The following CDRT4 variants were observed in gnomAD, a reference collection of about 807,000 sequenced individuals.
The protein encoded by CDRT4 is CMT1A duplicated region transcript 4 protein.
For missense variants in CDRT4, 167 were observed against 193.1 expected, an observed-to-expected ratio of 0.87 and a Z score of 0.80; for synonymous variants, 64 against 69.6, an observed-to-expected ratio of 0.92 and a Z score of 0.40.
chr17:15,462,195 G>A (rs1351171775), intron 1 of CDRT4, among the ~76,000 whole-genome samples: 6 of 152,000 alleles, frequency 3.9e-5, no homozygotes, highest in African/African-American at 1.2e-4. Flanking sequence ...TTGGGAGGCC[G>A]AGGCAGGCAG....
chr17:15,458,158 G>A (rs565093203), intron 1 of CDRT4, among the ~76,000 whole-genome samples: 2 of 152,270 alleles, frequency 1.3e-5, no homozygotes, highest in East Asian at 1.9e-4. Flanking sequence ...GGGACTTAAC[G>A]AATTCCATCT....
At chr17:15,457,965 G>A (rs552065174) in intron 1 of CDRT4, among the ~76,000 whole-genome samples, 1 of 152,238 alleles carries the variant, frequency 6.6e-6, no homozygotes, top group East Asian at 1.9e-4. Context: ...GAAGGAAACA[G>A]AGAGGGGCTC....
chr17:15,448,253 G>A (rs113671291), intron 2 of CDRT4, among the ~76,000 whole-genome samples: 8 of 152,150 alleles, frequency 5.3e-5, no homozygotes, highest in African/African-American at 1.7e-4. Flanking sequence ...AGAAGCCCCA[G>A]TCTCCACTTC....
intron 1 of CDRT4, among the ~76,000 whole-genome samples, chr17:15,463,197 G>C (rs1366522762): frequency 6.6e-6 from 1 of 152,084 alleles, no homozygotes; most frequent in Non-Finnish European, 1.5e-5. Flanking sequence ...GGAAACAATG[G>C]GGAAGTGGGT....
intron 1 of CDRT4, among the ~76,000 whole-genome samples, chr17:15,456,916 G>C (rs896101580): frequency 6.6e-6 from 1 of 152,160 alleles, no homozygotes; most frequent in African/African-American, 2.4e-5. Flanking sequence ...CATTGTTAAA[G>C]CCATTGATTT....
At chr17:15,449,057 C>T (rs904981628) in intron 2 of CDRT4, among the ~76,000 whole-genome samples, 5 of 152,240 alleles carry the variant, frequency 3.3e-5, no homozygotes, top group African/African-American at 1.2e-4. Flanking sequence ...AAGCATCTCA[C>T]TCTTATTTCA....
chr17:15,440,205 T>G lies in CDRT4; in HGVS notation c.31+3A>C. The G allele has an allele frequency of 6.2e-7, 1 of 1,613,202 alleles. No individual in the cohort carries two copies. Among genetic ancestry groups the G allele is most frequent in the Non-Finnish European group, 8.5e-7 (1 of 1,179,950 alleles). ...CTTCCACTGGTAACACTCCCAACCC[T>G]ACCTTCTTCTTTCTTCATCCTTCTT... On this transcript the variant is annotated splice_donor_region_variant and intron_variant, in intron 3 of 3. Coordinates refer to ENST00000619038, the MANE Select transcript of CDRT4 (RefSeq NM_001204477.2).
chr17:15,446,654 G>A (rs1359536623), intron 2 of CDRT4, among the ~76,000 whole-genome samples: 3 of 152,150 alleles, frequency 2.0e-5, no homozygotes, highest in Non-Finnish European at 4.4e-5. Flanking sequence ...GGTAGTGTTA[G>A]CATGTTCTTA....
Position 15,438,034 on chromosome 17 carries a change from C to G in CDRT4, c.198G>C (p.Arg66Ser), listed in dbSNP as rs1477410506. Reference protein sequence around the residue: ...RALEERPWASRQNKPSSVIQP... With the variant: ...RALEERPWASSQNKPSSVIQP... The stretch of plus-strand genomic sequence containing the variant: ...GAATGACGCTGGAAGGTTTATTCTG[C>G]CTTGATGCCCAGGGTCTTTCCTCGA... The change falls in exon 4 of 4, where the codon AGG becomes AGC. Residue 66 changes from arginine (R) to serine (S), a missense_variant. Arg to Ser is a moderately radical substitution (Grantham distance 110, BLOSUM62 -1). Transcript: ENST00000619038. 1 of 1,614,172 alleles carries G rather than the reference C, an allele frequency of 6.2e-7. No homozygotes were observed. Among genetic ancestry groups the G allele is most frequent in the East Asian group, 2.2e-5 (1 of 44,882 alleles).
chr17:15,454,454 CCA>C (rs892087937), intron 1 of CDRT4, among the ~76,000 whole-genome samples: 2 of 152,246 alleles, frequency 1.3e-5, no homozygotes, highest in Non-Finnish European at 2.9e-5. Flanking sequence ...AGTCTACGAG[CCA>C]CACACACATG....
rs569690387 is a variant in CDRT4, at chr17:15,436,954, G to A, written c.*819C>T. ...GCTAGGCTAAAGGAGGAAGTAGGAA[G>A]TGGCCCCTTGCTCACTTCCTGTTTG... On this transcript the variant is annotated 3_prime_UTR_variant, in exon 4 of 4. Coordinates refer to ENST00000619038, the MANE Select transcript of CDRT4 (RefSeq NM_001204477.2). 1 of 152,342 alleles carries A rather than the reference G, an allele frequency of 6.6e-6. No homozygotes were observed. The highest frequency in any genetic ancestry group is 2.1e-4 in the South Asian group (1 of 4,830). 9.4% of individuals were successfully genotyped at this position (152,342 alleles called of 1,614,324 possible). A position where few individuals can be genotyped will look rare whatever the true frequency, so the allele number is the denominator to read the frequency against.
chr17:15,438,411 G>A (rs1461201012), intron 3 of CDRT4, among the ~76,000 whole-genome samples: 1 of 143,006 alleles, frequency 7.0e-6, no homozygotes, highest in Non-Finnish European at 1.5e-5. Flanking sequence ...ATGGTAAGGA[G>A]CAAGAGACAG....
intron 1 of CDRT4, among the ~76,000 whole-genome samples, chr17:15,456,686 G>T (rs966945247): frequency 6.6e-6 from 1 of 152,022 alleles, no homozygotes; most frequent in African/African-American, 2.4e-5. Flanking sequence ...GCCTGACTTG[G>T]ATTTGGGCTG....
intron 1 of CDRT4, among the ~76,000 whole-genome samples, chr17:15,462,764 T>C (rs1172738214): frequency 6.6e-6 from 1 of 152,064 alleles, no homozygotes; most frequent in African/African-American, 2.4e-5. Context: ...GTAAAGCAAG[T>C]GTGTGACTTC....
rs992720895 is a variant in CDRT4, at chr17:15,440,424, T to A, written c.-47-139A>T. 5.0e-6 allele frequency: 5 copies of A among 997,344 alleles called. No homozygotes were observed. In the African/African-American group the frequency reaches 8.1e-5, roughly 16 times the overall value. The allele number at this position is 997,344 out of a possible 1,614,324, so 61.8% of individuals were successfully genotyped here. A position where few individuals can be genotyped will look rare whatever the true frequency, so the allele number is the denominator to read the frequency against. ...GACTCCACCCCCTGAGAAGAGGACA[T>A]GTTTTTTGTGGAGCTGGAGACAGGC... is the stretch of plus-strand genomic sequence containing the variant. On this transcript the variant is annotated intron_variant, in intron 2 of 3. Coordinates refer to ENST00000619038, the MANE Select transcript of CDRT4 (RefSeq NM_001204477.2).
In CDRT4 at chr17:15,437,866, A is replaced by C. The variant is rs2954759; in HGVS notation, c.366T>G (p.His122Gln). ...PTMIPEPTHLHADSRDCPTEN... is the reference protein window; with the variant it reads ...PTMIPEPTHLQADSRDCPTEN... ...CAGTTGGACAGTCTCTGGAATCCGC[A>C]TGTAAGTGTGTGGGTTCTGGGATCA... Residue 122 changes from histidine (H) to glutamine (Q), a missense_variant, in exon 4 of 4, where the codon CAT (histidine) becomes CAG (glutamine). By Grantham distance (24) the His-to-Gln change is conservative. Coordinates refer to ENST00000619038, the MANE Select transcript of CDRT4 (RefSeq NM_001204477.2). 0.14 allele frequency: 224,729 copies of C among 1,613,966 alleles called. 23,677 individuals are homozygous for C. The highest frequency in any genetic ancestry group is 0.47 in the East Asian group (21,025 of 44,850).
Position 15,437,556 on chromosome 17 carries a change from C to T in CDRT4, c.*217G>A. Reference sequence around the variant, plus strand: ...ACTAGAGCCAGGGACTGCCCAAACCCACCAGAGAGCAGTGTGGGAGGGGAC... The same window carrying T: ...ACTAGAGCCAGGGACTGCCCAAACCTACCAGAGAGCAGTGTGGGAGGGGAC... On this transcript the variant is annotated 3_prime_UTR_variant, in exon 4 of 4. Coordinates refer to ENST00000619038, the MANE Select transcript of CDRT4 (RefSeq NM_001204477.2). The T allele has an allele frequency of 1.7e-6, 1 of 591,394 alleles. No individual in the cohort carries two copies. The highest frequency in any genetic ancestry group is 3.0e-6 in the Non-Finnish European group (1 of 334,958). 36.6% of individuals were successfully genotyped at this position (591,394 alleles called of 1,614,324 possible). A position where few individuals can be genotyped will look rare whatever the true frequency, so the allele number is the denominator to read the frequency against.
At chr17:15,459,249 C>A (rs528240266) in intron 1 of CDRT4, among the ~76,000 whole-genome samples, 1 of 152,112 alleles carries the variant, frequency 6.6e-6, no homozygotes, top group South Asian at 2.1e-4. Context: ...AACAACAAGA[C>A]AAATGGAGCT....
rs940959774 is a variant in CDRT4 at position 15,438,028 on chromosome 17, A to T, written c.204T>A (p.Asn68Lys). 5.6e-6 allele frequency: 9 copies of T among 1,614,066 alleles called. No individual in the cohort carries two copies. The highest frequency in any genetic ancestry group is 6.8e-6 in the Non-Finnish European group (8 of 1,180,040). Reference sequence around the variant, plus strand: ...TCGGCTGAATGACGCTGGAAGGTTTATTCTGCCTTGATGCCCAGGGTCTTT... The same window carrying T: ...TCGGCTGAATGACGCTGGAAGGTTTTTTCTGCCTTGATGCCCAGGGTCTTT... ...LEERPWASRQ[N>K]KPSSVIQPKR... The change falls in exon 4 of 4, where the codon AAT (asparagine) becomes AAA (lysine). Residue 68 changes from asparagine (N) to lysine (K), a missense_variant. Physicochemically the swap from Asn to Lys is moderately conservative, Grantham distance 94. Coordinates refer to ENST00000619038, the MANE Select transcript of CDRT4 (RefSeq NM_001204477.2).
Sources: allele counts gnomAD v4.1 joint callset (sites outside exome capture counted in the v4.1 genomes callset), GRCh38; gene constraint gnomAD v4.1.1; transcripts MANE v1.5; gene names NCBI Gene and HGNC (gene_info 2026-07-23, HGNC 2026-07-21).